The following PCDHA13 variants were observed in gnomAD, a reference collection of about 807,000 sequenced individuals.
The protein encoded by PCDHA13 is protocadherin alpha 13, also known as protocadherin alpha-13.
Under a neutral mutation model 64.8 loss-of-function variants are expected in PCDHA13, and 54 were observed. That is an observed-to-expected ratio of 0.83 (90% CI 0.67 to 1.04). The LOEUF (loss-of-function observed/expected upper bound fraction) is 1.04. Ranked by LOEUF, PCDHA13 falls within the 50% of genes least tolerant of loss-of-function variation. The pLI is 0.00. For synonymous variants in PCDHA13, 587 were observed against 564.4 expected (o/e 1.04, Z -0.57); for missense variants, 1,248 against 1,254.3 (o/e 0.99, Z 0.08).
At chr5:140,928,139 C>T in intron 1 of PCDHA13, 2 of 1,614,174 alleles carry the variant, frequency 1.2e-6, no homozygotes, top group Non-Finnish European at 8.5e-7. Flanking sequence ...GTCCTGATCA[C>T]GGCCTCAGAT....
At chr5:140,963,210 C>T (rs1200019403) in intron 1 of PCDHA13, among the ~76,000 whole-genome samples, 1 of 151,742 alleles carries the variant, frequency 6.6e-6, no homozygotes, top group East Asian at 1.9e-4. Flanking sequence ...AAAAAAACCT[C>T]GTGTTTAGAG....
At chr5:140,991,614 A>G (rs1554252334) in intron 3 of PCDHA13, among the ~76,000 whole-genome samples, 2 of 152,194 alleles carry the variant, frequency 1.3e-5, no homozygotes, top group Non-Finnish European at 2.9e-5. Flanking sequence ...AGCACCTTTA[A>G]TGCCATATTT....
chr5:140,884,766 T>G, intron 1 of PCDHA13, 104 bp downstream of exon 1: 1 of 1,416,492 alleles, frequency 7.1e-7, no homozygotes, highest in Non-Finnish European at 9.3e-7. Context: ...TTCTTTACTT[T>G]AATTTTAATT....
Position 140,882,346 on chromosome 5 carries a change from G to T in PCDHA13, c.78G>T (p.Thr26=), listed in dbSNP as rs146510190. Reference sequence around the variant, plus strand: ...TTCTGATCCTCGCAGCCTGGGAGACGGGTAGTGGCCAGCTCCACTACTCCG... The same window carrying T: ...TTCTGATCCTCGCAGCCTGGGAGACTGGTAGTGGCCAGCTCCACTACTCCG... ...LWLLILAAWE[T]GSGQLHYSVP... is the part of the protein sequence containing the mutation. Residue 26 remains threonine, a synonymous_variant, in exon 1 of 4, where the codon ACG becomes ACT. Coordinates refer to ENST00000289272, the MANE Select transcript of PCDHA13 (RefSeq NM_018904.3). 2.2e-5 allele frequency: 36 copies of T among 1,614,194 alleles called. No homozygotes were observed. Among genetic ancestry groups the T allele is most frequent in the Non-Finnish European group, 2.9e-5 (34 of 1,180,022 alleles).
chr5:140,983,629 T>C (rs2097059537), intron 3 of PCDHA13, among the ~76,000 whole-genome samples: 1 of 152,228 alleles, frequency 6.6e-6, no homozygotes, highest in African/African-American at 2.4e-5. Flanking sequence ...TTAAGAAATG[T>C]ACCCAAGTTC....
intron 1 of PCDHA13, among the ~76,000 whole-genome samples, chr5:140,893,669 C>T (rs1204530639): frequency 6.6e-6 from 1 of 152,158 alleles, no homozygotes; most frequent in African/African-American, 2.4e-5. Flanking sequence ...AAAATTTCAG[C>T]ACTTTGGATA....
At chr5:140,950,384 T>C (rs1242946878) in intron 1 of PCDHA13, among the ~76,000 whole-genome samples, 8 of 152,028 alleles carry the variant, frequency 5.3e-5, no homozygotes, top group Non-Finnish European at 8.8e-5. Context: ...TCCATTTGAA[T>C]GATATAGAAT....
intron 1 of PCDHA13, chr5:140,929,048 G>A (rs782818540): frequency 1.9e-5 from 31 of 1,614,088 alleles, no homozygotes; most frequent in Middle Eastern, 1.6e-4. Flanking sequence ...CAGAGCTGCT[G>A]TCGCTCTACA....
intron 1 of PCDHA13, among the ~76,000 whole-genome samples, chr5:140,892,616 G>C (rs781995267): frequency 6.6e-6 from 1 of 151,910 alleles, no homozygotes; most frequent in Non-Finnish European, 1.5e-5. Flanking sequence ...TTTATTTCCA[G>C]TTGGTACATA....
chr5:140,955,297 T>C (rs2153705828), intron 1 of PCDHA13, among the ~76,000 whole-genome samples: 1 of 152,262 alleles, frequency 6.6e-6, no homozygotes, highest in East Asian at 1.9e-4. Context: ...TTTGGCTGTG[T>C]CCCCACCCAA....
intron 1 of PCDHA13, among the ~76,000 whole-genome samples, chr5:140,973,691 T>C (rs1420618979): frequency 6.6e-6 from 1 of 152,224 alleles, no homozygotes; most frequent in Non-Finnish European, 1.5e-5. Context: ...GGCCTACTGT[T>C]TCCTTCTGAC....
intron 1 of PCDHA13, among the ~76,000 whole-genome samples, chr5:140,975,698 T>C (rs1298498012): frequency 6.6e-6 from 1 of 152,202 alleles, no homozygotes; most frequent in Non-Finnish European, 1.5e-5. Flanking sequence ...TTTAAACTTA[T>C]TTTACTTTAA....
intron 1 of PCDHA13, among the ~76,000 whole-genome samples, chr5:140,918,353 C>T (rs557694814): frequency 4.6e-5 from 7 of 152,236 alleles, no homozygotes; most frequent in African/African-American, 1.7e-4. Context: ...AGGTTGACTT[C>T]CTCTCTGCCT....
At chr5:140,915,015 G>T (rs1469800021) in intron 1 of PCDHA13, among the ~76,000 whole-genome samples, 3 of 146,766 alleles carry the variant, frequency 2.0e-5, no homozygotes, top group Non-Finnish European at 4.5e-5. Flanking sequence ...GCCTGATCTT[G>T]GCTCACTGCA....
intron 1 of PCDHA13, chr5:140,928,174 C>T (rs2085016971): frequency 1.9e-6 from 3 of 1,614,060 alleles, no homozygotes; most frequent in African/African-American, 1.3e-5. Flanking sequence ...ACTTAGCACC[C>T]GAAGGACAAT....
intron 1 of PCDHA13, among the ~76,000 whole-genome samples, chr5:140,932,460 A>G (rs1275552236): frequency 6.6e-6 from 1 of 151,902 alleles, no homozygotes; most frequent in Non-Finnish European, 1.5e-5. Flanking sequence ...TTGCCAGGGT[A>G]TATAGGAAAT....
rs17119334 is a variant in PCDHA13, at chr5:140,988,093, G to A, written c.2542+5530G>A. On this transcript the variant is annotated intron_variant, in intron 3 of 3. Coordinates refer to ENST00000289272, the MANE Select transcript of PCDHA13 (RefSeq NM_018904.3). ...CTATTTCATGAGTGAGTGCAGCCTCGGGCCTTGTTGGAGAATTTAGAAAGC... is the reference window on the plus strand; with the variant it reads ...CTATTTCATGAGTGAGTGCAGCCTCAGGCCTTGTTGGAGAATTTAGAAAGC... Among the ~76,000 whole-genome samples the A allele has an allele frequency of 6.9e-3, 1,055 of 152,154 alleles. 47 individuals are homozygous for A. The East Asian group carries it at 0.14, about 21-fold the overall frequency.
intron 1 of PCDHA13, among the ~76,000 whole-genome samples, chr5:140,913,794 T>A: frequency 6.6e-6 from 1 of 152,194 alleles, no homozygotes. Context: ...ATCATTTGTT[T>A]GAATCAAATT....
chr5:140,900,360 C>T (rs952432002), intron 1 of PCDHA13, among the ~76,000 whole-genome samples: 2 of 152,168 alleles, frequency 1.3e-5, no homozygotes, highest in Non-Finnish European at 2.9e-5. Flanking sequence ...TCACCGCAAC[C>T]TCTGCCTCCT....
Sources: allele counts gnomAD v4.1 joint callset (sites outside exome capture counted in the v4.1 genomes callset), GRCh38; gene constraint gnomAD v4.1.1; transcripts MANE v1.5; gene names NCBI Gene and HGNC (gene_info 2026-07-23, HGNC 2026-07-21).